The following CCDC7 variants were observed in gnomAD, a reference collection of about 807,000 sequenced individuals.
CCDC7 encodes coiled-coil domain containing 7.
In CCDC7, 183 loss-of-function variants were observed where a neutral mutation model predicts 196.9. The observed-to-expected ratio is 0.93, with a 90% confidence interval of 0.82 to 1.05. The LOEUF is 1.05. Among genes scored for constraint, CCDC7 ranks in the 50% least tolerant of loss-of-function variants. The pLI is 0.00. For missense variants in CCDC7, 1,540 were observed against 1,482.2 expected (o/e 1.04, Z -0.64); for synonymous variants, 525 against 484.6 (o/e 1.08, Z -1.10).
chr10:32,512,763 A>G (rs2046414881), intron 9 of CCDC7: 1 of 152,318 alleles, frequency 6.6e-6, no homozygotes, highest in South Asian at 2.1e-4. Context: ...CTAAAAACAC[A>G]TAAGAAAAAT....
intron 28 of CCDC7, among the ~76,000 whole-genome samples, chr10:32,730,295 C>T (rs2083743153): frequency 6.6e-6 from 1 of 152,036 alleles, no homozygotes; most frequent in Non-Finnish European, 1.5e-5. Flanking sequence ...TTTTAATTAT[C>T]TCTTATAACC....
intron 20 of CCDC7, among the ~76,000 whole-genome samples, chr10:32,647,390 TC>T (rs2067953507): frequency 6.7e-6 from 1 of 150,200 alleles, no homozygotes; most frequent in Non-Finnish European, 1.5e-5. Context: ...GTACCTGTAA[TC>T]CCAGCTACCT....
At chr10:32,634,045 C>T (rs1455496770) in intron 18 of CCDC7, among the ~76,000 whole-genome samples, 1 of 151,830 alleles carries the variant, frequency 6.6e-6, no homozygotes, top group African/African-American at 2.4e-5. Flanking sequence ...GCCTACTTAA[C>T]ATTATGCCTG....
chr10:32,539,449 T>G (rs2051043789), intron 11 of CCDC7, among the ~76,000 whole-genome samples: 1 of 152,032 alleles, frequency 6.6e-6, no homozygotes, highest in African/African-American at 2.4e-5. Context: ...GTGGTCTATC[T>G]TATTATTTTT....
intron 20 of CCDC7, among the ~76,000 whole-genome samples, chr10:32,654,764 G>T (rs2140235808): frequency 6.6e-6 from 1 of 152,308 alleles, no homozygotes; most frequent in Admixed American, 6.5e-5. Context: ...AGTTAGAGGT[G>T]AGAGATCTGG....
intron 11 of CCDC7, among the ~76,000 whole-genome samples, chr10:32,524,620 G>T (rs1260629389): frequency 6.6e-6 from 1 of 152,062 alleles, no homozygotes; most frequent in South Asian, 2.1e-4. Context: ...TTATTTCTCT[G>T]CAATGCTTAA....
At chr10:32,589,804 C>T (rs796772763) in intron 18 of CCDC7, among the ~76,000 whole-genome samples, 12 of 152,116 alleles carry the variant, frequency 7.9e-5, no homozygotes, top group African/African-American at 2.6e-4. Flanking sequence ...TTACATAATG[C>T]TCCTCTTTGT....
rs556572194 is a variant in CCDC7, at chr10:32,699,830, C to T, written c.2458+4838C>T. Among the ~76,000 whole-genome samples, 302 of 149,662 alleles carry T rather than the reference C, an allele frequency of 2.0e-3. 2 individuals are homozygous for T. The highest frequency in any genetic ancestry group is 7.1e-3 in the South Asian group (34 of 4,820). On this transcript the variant is annotated intron_variant, in intron 24 of 41. Coordinates refer to ENST00000639629, the Ensembl canonical transcript of CCDC7. ...TGATGATGAGCATTTTTTCATCTGT[C>T]TGTTGACTGCATAAATGTCTTCTTT...
chr10:32,669,662 G>A (rs941792631), intron 21 of CCDC7, among the ~76,000 whole-genome samples: 1 of 151,990 alleles, frequency 6.6e-6, no homozygotes, highest in African/African-American at 2.4e-5. Flanking sequence ...TGAAATTGGT[G>A]CCATATAGTT....
In CCDC7 at chr10:32,760,232, A is replaced by C. The variant is rs1045583587; in HGVS notation, c.2906-18745A>C. Reference sequence around the variant, plus strand: ...ACTAGAAATACCATTTGACCCAGCCATCCCATTACTGGGTATATACCCAAA... The same window carrying C: ...ACTAGAAATACCATTTGACCCAGCCCTCCCATTACTGGGTATATACCCAAA... On this transcript the variant is annotated intron_variant, in intron 28 of 41. Transcript: ENST00000639629. Among the ~76,000 whole-genome samples, 276 of 151,796 alleles carry C rather than the reference A, an allele frequency of 1.8e-3. 1 individual carries two copies. The highest frequency in any genetic ancestry group is 3.3e-3 in the Non-Finnish European group (226 of 68,000).
At chr10:32,745,067 G>A (rs899503144) in intron 28 of CCDC7, among the ~76,000 whole-genome samples, 1 of 152,154 alleles carries the variant, frequency 6.6e-6, no homozygotes, top group African/African-American at 2.4e-5. Context: ...ATCATTTGTT[G>A]AAAAGATATT....
At chr10:32,637,743 G>A (rs1401160459) in intron 20 of CCDC7, among the ~76,000 whole-genome samples, 3 of 152,152 alleles carry the variant, frequency 2.0e-5, no homozygotes, top group Non-Finnish European at 4.4e-5. Flanking sequence ...GAACTTTAAA[G>A]TAGTTTTTTC....
At chr10:32,595,908 C>T (rs746723018) in intron 18 of CCDC7, among the ~76,000 whole-genome samples, 5 of 152,176 alleles carry the variant, frequency 3.3e-5, no homozygotes, top group Non-Finnish European at 7.4e-5. Flanking sequence ...GTCTGAGAGA[C>T]AATTTGTTAT....
chr10:32,792,074 A>G (rs2082789195), intron 29 of CCDC7, among the ~76,000 whole-genome samples: 1 of 152,228 alleles, frequency 6.6e-6, no homozygotes, highest in African/African-American at 2.4e-5. Context: ...AAAGAAAAAA[A>G]AAATTAGTCA....
At chr10:32,711,541 C>G in intron 24 of CCDC7, 79 bp from the exon 26 acceptor site, 1 of 820,300 alleles carries the variant, frequency 1.2e-6, no homozygotes, top group Non-Finnish European at 1.9e-6. Flanking sequence ...GTTGCTTCCA[C>G]TTGTTATAAA....
chr10:32,831,033 T>C (rs956526600), intron 32 of CCDC7, among the ~76,000 whole-genome samples: 1 of 152,170 alleles, frequency 6.6e-6, no homozygotes, highest in Non-Finnish European at 1.5e-5. Context: ...TTCATCATCA[T>C]GCAAAAATCA....
At chr10:32,759,312 C>T (rs919186202) in intron 28 of CCDC7, among the ~76,000 whole-genome samples, 2 of 152,136 alleles carry the variant, frequency 1.3e-5, no homozygotes, top group Non-Finnish European at 2.9e-5. Context: ...AAGAACAAAG[C>T]TGGAGGCATC....
chr10:32,678,895 AT>A (rs2075429151), intron 21 of CCDC7, among the ~76,000 whole-genome samples: 1 of 152,076 alleles, frequency 6.6e-6, no homozygotes, highest in Non-Finnish European at 1.5e-5. Context: ...CATAAAGGTA[AT>A]TTTATCCTTG....
chr10:32,671,383 A>T (rs1394141281), intron 21 of CCDC7, among the ~76,000 whole-genome samples: 3 of 152,164 alleles, frequency 2.0e-5, no homozygotes, highest in South Asian at 2.1e-4. Context: ...GCTTTATAGC[A>T]TAGGAGCAGT....
Sources: allele counts gnomAD v4.1 joint callset (sites outside exome capture counted in the v4.1 genomes callset), GRCh38; gene constraint gnomAD v4.1.1; transcripts MANE v1.5; gene names NCBI Gene and HGNC (gene_info 2026-07-23, HGNC 2026-07-21).